Variants in ZMAT4 observed in about 807,000 individuals in gnomAD.
ZMAT4 encodes zinc finger matrin-type 4, also known as zinc finger matrin-type protein 4.
ZMAT4 carries 17 observed loss-of-function variants against 28.7 expected under a neutral mutation model. That is an observed-to-expected ratio of 0.59 (90% confidence interval 0.41 to 0.89). ZMAT4 has a LOEUF of 0.89. Ranked by LOEUF, ZMAT4 falls within the 40% of genes least tolerant of loss-of-function variation. The pLI is 0.00. For synonymous variants in ZMAT4, 117 were observed against 109.2 expected, an observed-to-expected ratio of 1.07 and a Z score of -0.44; for missense variants, 240 against 283.8, an observed-to-expected ratio of 0.85 and a Z score of 1.11.
intron 5 of ZMAT4, among the ~76,000 whole-genome samples, chr8:40,587,852 C>G (rs984748913): frequency 2.0e-5 from 3 of 151,958 alleles, no homozygotes; most frequent in African/African-American, 7.2e-5. Context: ...ATCAAATATA[C>G]ACTGAATTCA....
At chr8:40,757,808 G>T (rs191439198) in intron 3 of ZMAT4, among the ~76,000 whole-genome samples, 219 of 152,202 alleles carry the variant, frequency 1.4e-3, no homozygotes, top group African/African-American at 5.1e-3. Context: ...GCCAAAGGAG[G>T]TTAACATTTG....
chr8:40,632,458 GAT>G (rs1806627250), intron 5 of ZMAT4, among the ~76,000 whole-genome samples: 2 of 152,288 alleles, frequency 1.3e-5, no homozygotes, highest in South Asian at 4.1e-4. Context: ...ACTCCCAGAG[GAT>G]ATGTCCTTTC....
At chr8:40,561,351 A>G (rs1803733270) in intron 6 of ZMAT4, among the ~76,000 whole-genome samples, 1 of 152,074 alleles carries the variant, frequency 6.6e-6, no homozygotes, top group Non-Finnish European at 1.5e-5. Flanking sequence ...TTTACAGTGT[A>G]CTAACATGGC....
intron 1 of ZMAT4, among the ~76,000 whole-genome samples, chr8:40,855,166 A>G (rs1037877668): frequency 6.6e-6 from 1 of 152,146 alleles, no homozygotes; most frequent in Non-Finnish European, 1.5e-5. Flanking sequence ...CCACCTGCCC[A>G]CTTAACTTAG....
At chr8:40,784,681 G>C (rs987309649) in intron 2 of ZMAT4, among the ~76,000 whole-genome samples, 5 of 152,248 alleles carry the variant, frequency 3.3e-5, no homozygotes, top group African/African-American at 1.2e-4. Context: ...AGTTCCATCA[G>C]TTTGATGGAC....
chr8:40,897,584 G>A (rs570223835), intron 1 of ZMAT4, 99 bp downstream of exon 1: 1 of 152,328 alleles, frequency 6.6e-6, no homozygotes, highest in South Asian at 2.1e-4. Flanking sequence ...TTCCCTCCCA[G>A]AAACTTTTCT....
chr8:40,725,853 A>G (rs1166248387), intron 3 of ZMAT4, among the ~76,000 whole-genome samples: 1 of 152,216 alleles, frequency 6.6e-6, no homozygotes, highest in Non-Finnish European at 1.5e-5. Context: ...GAAACAGGGG[A>G]ATGAGAAGTA....
chr8:40,679,547 AG>A (rs1206081957), intron 4 of ZMAT4, among the ~76,000 whole-genome samples: 3 of 152,166 alleles, frequency 2.0e-5, no homozygotes, highest in Non-Finnish European at 4.4e-5. Context: ...AAGGACGGGA[AG>A]GCCCCTTATA....
chr8:40,646,632 T>C (rs1807329768), intron 5 of ZMAT4, among the ~76,000 whole-genome samples: 1 of 152,174 alleles, frequency 6.6e-6, no homozygotes, highest in African/African-American at 2.4e-5. Flanking sequence ...GGACATTTCA[T>C]TATGATAATA....
At chr8:40,718,968 A>C (rs1810966897) in intron 3 of ZMAT4, among the ~76,000 whole-genome samples, 1 of 152,200 alleles carries the variant, frequency 6.6e-6, no homozygotes, top group African/African-American at 2.4e-5. Flanking sequence ...GAATCCTTAG[A>C]AATGAGAGGA....
At chr8:40,881,550 GAAAGAAAGAA>G (rs749704485) in intron 1 of ZMAT4, among the ~76,000 whole-genome samples, 4 of 78,658 alleles carry the variant, frequency 5.1e-5, no homozygotes, top group South Asian at 4.7e-4. Context: ...AAGAAAGAAA[GAAAGAAAGAA>G]AGAAAGAAAG....
At chr8:40,896,943 C>T (rs956951617) in intron 1 of ZMAT4, among the ~76,000 whole-genome samples, 2 of 151,810 alleles carry the variant, frequency 1.3e-5, no homozygotes, top group African/African-American at 2.4e-5. Flanking sequence ...GGTACCAAAC[C>T]GAACTCTCTA....
intron 2 of ZMAT4, among the ~76,000 whole-genome samples, chr8:40,783,478 T>C (rs1203494273): frequency 6.6e-6 from 1 of 152,178 alleles, no homozygotes; most frequent in Non-Finnish European, 1.5e-5. Flanking sequence ...GAGGATGTGG[T>C]GTAAATGTTC....
At chr8:40,686,356 T>C (rs1809406960) in intron 4 of ZMAT4, among the ~76,000 whole-genome samples, 5 of 151,854 alleles carry the variant, frequency 3.3e-5, no homozygotes, top group South Asian at 4.2e-4. Flanking sequence ...CCCCAGCTAA[T>C]TGGGAGGCTG....
At chr8:40,843,718 C>T (rs74580356) in intron 1 of ZMAT4, among the ~76,000 whole-genome samples, 2 of 152,278 alleles carry the variant, frequency 1.3e-5, no homozygotes, top group African/African-American at 2.4e-5. Context: ...AAGAATCACA[C>T]CTGAGACTGC....
intron 1 of ZMAT4, among the ~76,000 whole-genome samples, chr8:40,881,550 GAAAGAA>G (rs1321156209): frequency 5.2e-4 from 41 of 78,696 alleles, no homozygotes; most frequent in South Asian, 3.3e-3. Context: ...AAGAAAGAAA[GAAAGAA>G]AGAAAGAAAG....
At chr8:40,546,875 C>A (rs1803218772) in intron 6 of ZMAT4, among the ~76,000 whole-genome samples, 1 of 152,114 alleles carries the variant, frequency 6.6e-6, no homozygotes, top group Non-Finnish European at 1.5e-5. Flanking sequence ...TTCCTCTGAA[C>A]ATAGATTCAG....
At chr8:40,650,478 G>C (rs1257151822) in intron 5 of ZMAT4, among the ~76,000 whole-genome samples, 8 of 111,634 alleles carry the variant, frequency 7.2e-5, no homozygotes, top group African/African-American at 1.5e-4. Context: ...TGGATTCACA[G>C]CTGAATTCTA....
intron 6 of ZMAT4, among the ~76,000 whole-genome samples, chr8:40,553,330 C>T (rs1011594862): frequency 3.9e-5 from 6 of 152,114 alleles, no homozygotes; most frequent in African/African-American, 1.2e-4. Context: ...TTCAAGCTAC[C>T]GAGTTTTCGG....
Sources: allele counts gnomAD v4.1 joint callset (sites outside exome capture counted in the v4.1 genomes callset), GRCh38; gene constraint gnomAD v4.1.1; transcripts MANE v1.5; gene names NCBI Gene and HGNC (gene_info 2026-07-23, HGNC 2026-07-21).